FAM76A: variants seen among roughly 807,000 people sequenced by gnomAD.
FAM76A encodes family with sequence similarity 76 member A.
In FAM76A, 32 loss-of-function variants were observed where a neutral mutation model predicts 46.2. That is an observed-to-expected ratio of 0.69 (90% CI 0.52 to 0.93). The LOEUF (loss-of-function observed/expected upper bound fraction) is 0.93, where lower values mean the gene tolerates loss of function less well. Among genes scored for constraint, FAM76A ranks in the 40% least tolerant of loss-of-function variants. FAM76A has a pLI of 0.00. For missense variants in FAM76A, 274 were observed against 361.5 expected (o/e 0.76, Z 1.96); for synonymous variants, 137 against 127.0 (o/e 1.08, Z -0.53).
At chr1:27,729,114 GATCTATTTGTTAATTC>G (rs2087913394) in intron 2 of FAM76A, among the ~76,000 whole-genome samples, 1 of 152,050 alleles carries the variant, frequency 6.6e-6, no homozygotes, top group Non-Finnish European at 1.5e-5. Context: ...AGGAGAGTGG[GATCTATTTGTTAATTC>G]ATCCATTAGA....
rs747937419 is a variant in FAM76A, at chr1:27,744,751, G to C, written c.452G>C (p.Arg151Pro). The C allele has an allele frequency of 2.5e-6, 4 of 1,614,022 alleles. No homozygotes were observed. The highest frequency in any genetic ancestry group is 2.2e-5 in the South Asian group (2 of 91,080). Residue 151 changes from arginine to proline, a missense_variant, in exon 5 of 9, where the codon CGT becomes CCT. Coordinates refer to ENST00000373954, the MANE Select transcript of FAM76A (RefSeq NM_152660.3). ...EQRKHLSSSSRAGHQEKEQYS... is the reference protein window; with the variant it reads ...EQRKHLSSSSPAGHQEKEQYS... ...AGGAAACACCTGAGTAGCTCTTCTC[G>C]TGCTGGCCACCAGGAGAAGGAGCAG...
At chr1:27,750,532 G>C (rs1197564754) in intron 6 of FAM76A, among the ~76,000 whole-genome samples, 1 of 152,196 alleles carries the variant, frequency 6.6e-6, no homozygotes, top group African/African-American at 2.4e-5. Flanking sequence ...TGAACACCCT[G>C]CTTTATAAAG....
chr1:27,730,855 A>G (rs2087945094), intron 2 of FAM76A, among the ~76,000 whole-genome samples: 1 of 151,922 alleles, frequency 6.6e-6, no homozygotes, highest in South Asian at 2.1e-4. Flanking sequence ...TCACTCTGTC[A>G]CTCAGGCTGG....
chr1:27,757,352 A>C (rs2088427583), intron 7 of FAM76A, among the ~76,000 whole-genome samples: 1 of 150,034 alleles, frequency 6.7e-6, no homozygotes, highest in African/African-American at 2.5e-5. Context: ...GTGCACCACC[A>C]CACCTGGCTG....
At position 27,761,805 on chromosome 1, in the gene FAM76A, A is replaced by G. The variant is rs2088513524; in HGVS notation, c.*1224A>G. 1 of 152,062 alleles carries G rather than the reference A, an allele frequency of 6.6e-6. No individual in the cohort carries two copies. The highest frequency in any genetic ancestry group is 2.1e-4 in the South Asian group (1 of 4,820). The allele number at this position is 152,062 out of a possible 1,614,324, so 9.4% of individuals were successfully genotyped here. ...GGTAAAACCCCATCTGTACTAAAAA[A>G]ATACAAAAATTAGCCGGGCCTGGTG... is the stretch of plus-strand genomic sequence containing the variant. On this transcript the variant is annotated 3_prime_UTR_variant, in exon 9 of 9. Transcript: ENST00000373954.
At chr1:27,742,570 A>G (rs559759948) in intron 4 of FAM76A, among the ~76,000 whole-genome samples, 73 of 152,258 alleles carry the variant, frequency 4.8e-4, no homozygotes, top group African/African-American at 1.7e-3. Flanking sequence ...AACCATTTAT[A>G]AAGTATTAAA....
chr1:27,740,557 C>G, intron 4 of FAM76A: 1 of 1,113,572 alleles, frequency 9.0e-7, no homozygotes, highest in Non-Finnish European at 1.4e-6. Context: ...GGAGTGAGGA[C>G]CCCAGATCTG....
chr1:27,757,639 G>GA (rs1475002200), intron 7 of FAM76A, among the ~76,000 whole-genome samples: 1 of 151,862 alleles, frequency 6.6e-6, no homozygotes, highest in Non-Finnish European at 1.5e-5. Flanking sequence ...AAAGTGCTGG[G>GA]ATTACAGGCA....
At position 27,760,658 on chromosome 1, in the gene FAM76A, G is replaced by T; in HGVS notation, c.*77G>T. ...GGGTTGGAGACCTGGCTGTTCTGTG[G>T]GAATTGCAAGCTTTCTTAAGAAATC... On this transcript the variant is annotated 3_prime_UTR_variant, in exon 9 of 9. Transcript: ENST00000373954. 1 of 973,454 alleles carries T rather than the reference G, an allele frequency of 1.0e-6. No homozygotes were observed. The highest frequency in any genetic ancestry group is 2.7e-5 in the Admixed American group (1 of 37,558). 60.3% of individuals were successfully genotyped at this position (973,454 alleles called of 1,614,324 possible).
chr1:27,757,513 A>T (rs2088431603), intron 7 of FAM76A, among the ~76,000 whole-genome samples: 1 of 152,086 alleles, frequency 6.6e-6, no homozygotes, highest in Admixed American at 6.5e-5. Context: ...GATTACAGGC[A>T]TGTGGCACCA....
At chr1:27,730,532 T>C (rs1394066150) in intron 2 of FAM76A, among the ~76,000 whole-genome samples, 2 of 152,138 alleles carry the variant, frequency 1.3e-5, no homozygotes, top group East Asian at 3.9e-4. Context: ...TAGGAACATA[T>C]GTATATATTG....
Position 27,754,014 on chromosome 1 carries a change from T to G in FAM76A, c.600-1181T>G, listed in dbSNP as rs183301587. Among the ~76,000 whole-genome samples the G allele has an allele frequency of 6.5e-4, 99 of 151,888 alleles. No homozygotes were observed. In the East Asian group the frequency reaches 0.017, roughly 26 times the overall value. ...ACTGGCCATTGAAAGCTATGGATCC[T>G]CACTCTAAAAACCACCCATTATATG... On this transcript the variant is annotated intron_variant, in intron 6 of 8. Coordinates refer to ENST00000373954, the MANE Select transcript of FAM76A (RefSeq NM_152660.3).
intron 2 of FAM76A, among the ~76,000 whole-genome samples, chr1:27,730,626 C>G (rs982643400): frequency 1.3e-5 from 2 of 152,184 alleles, no homozygotes; most frequent in African/African-American, 4.8e-5. Flanking sequence ...TGGTAATCCT[C>G]TTTCTAGAGA....
chr1:27,727,416 G>A, intron 1 of FAM76A, 56 bp from the exon 2 acceptor site: 1 of 1,474,020 alleles, frequency 6.8e-7, no homozygotes, highest in Non-Finnish European at 9.5e-7. Flanking sequence ...GCTTCCTACT[G>A]AAGGCTGTTT....
chr1:27,741,237 A>T (rs2088147881), intron 4 of FAM76A, among the ~76,000 whole-genome samples: 1 of 130,962 alleles, frequency 7.6e-6, no homozygotes, highest in Non-Finnish European at 1.5e-5. Flanking sequence ...TCACTCTGTC[A>T]TCCAGGCTGG....
At chr1:27,728,855 T>A (rs1212244423) in intron 2 of FAM76A, among the ~76,000 whole-genome samples, 1 of 152,038 alleles carries the variant, frequency 6.6e-6, no homozygotes, top group African/African-American at 2.4e-5. Flanking sequence ...TCCCAGCTAC[T>A]TGGGGGGCTG....
intron 5 of FAM76A, among the ~76,000 whole-genome samples, chr1:27,745,323 C>T (rs1488876399): frequency 6.6e-6 from 1 of 151,958 alleles, no homozygotes; most frequent in Non-Finnish European, 1.5e-5. Flanking sequence ...GGCAAGTTTT[C>T]TCATCTGTAA....
chr1:27,746,736 C>G (rs1230756027), intron 5 of FAM76A, among the ~76,000 whole-genome samples: 2 of 152,006 alleles, frequency 1.3e-5, no homozygotes, highest in African/African-American at 4.8e-5. Context: ...CAAAAAGAAA[C>G]AGCAACAATA....
intron 7 of FAM76A, among the ~76,000 whole-genome samples, chr1:27,757,431 A>G (rs2088428818): frequency 6.6e-6 from 1 of 151,946 alleles, no homozygotes; most frequent in East Asian, 2.0e-4. Flanking sequence ...CAGTGGTGCA[A>G]TCTCTGCTCA....
Sources: allele counts gnomAD v4.1 joint callset (sites outside exome capture counted in the v4.1 genomes callset), GRCh38; gene constraint gnomAD v4.1.1; transcripts MANE v1.5; gene names NCBI Gene and HGNC (gene_info 2026-07-23, HGNC 2026-07-21).